Variants in METTL2B observed in about 807,000 individuals in gnomAD.
METTL2B encodes methyltransferase 2B, tRNA N3-cytidine.
In METTL2B, 28 loss-of-function variants were observed where a neutral mutation model predicts 51.0. That is an observed-to-expected ratio of 0.55 (90% CI 0.41 to 0.75). METTL2B has a LOEUF of 0.75. METTL2B is among the 30% of genes least tolerant of loss of function. The pLI, the probability that METTL2B is intolerant of heterozygous loss-of-function variation, is 0.00. For missense variants in METTL2B, 313 were observed against 460.7 expected (o/e 0.68, Z 2.93); for synonymous variants, 128 against 166.3 (o/e 0.77, Z 1.77).
intron 4 of METTL2B, among the ~76,000 whole-genome samples, chr7:128,487,380 T>C (rs1349939504): frequency 6.6e-6 from 1 of 152,234 alleles, no homozygotes; most frequent in East Asian, 1.9e-4. Flanking sequence ...CTCCCATTTT[T>C]ATTTAGACCT....
intron 5 of METTL2B, chr7:128,488,701 G>A (rs1360429029): frequency 1.6e-5 from 5 of 317,020 alleles, no homozygotes; most frequent in Non-Finnish European, 3.2e-5. Flanking sequence ...TGTCCTCTGT[G>A]TGCTCAAGTG....
intron 6 of METTL2B, 44 bp downstream of exon 6, chr7:128,493,987 T>G: frequency 6.3e-7 from 1 of 1,591,204 alleles, no homozygotes; most frequent in Admixed American, 1.9e-5. Context: ...AAAAGAAAGC[T>G]TTGGTGAGGG....
At chr7:128,488,394 C>G (rs1792759155) in intron 5 of METTL2B, 4 of 690,594 alleles carry the variant, frequency 5.8e-6, no homozygotes, top group Non-Finnish European at 1.1e-5. Context: ...CTGCATCAAG[C>G]AAGCCTACCA....
chr7:128,494,746 A>G (rs1482170223), intron 6 of METTL2B, among the ~76,000 whole-genome samples: 12 of 150,914 alleles, frequency 8.0e-5, no homozygotes, highest in Non-Finnish European at 8.9e-5. Context: ...TCCTGCCTCA[A>G]CCTCCCGAGT....
In METTL2B at chr7:128,505,281, A is replaced by G. The variant is rs1402340910; in HGVS notation, c.*3365A>G. The G allele has an allele frequency of 6.6e-6, 1 of 152,130 alleles. No homozygotes were observed. The highest frequency in any genetic ancestry group is 1.5e-5 in the Non-Finnish European group (1 of 68,046). 9.4% of individuals were successfully genotyped at this position (152,130 alleles called of 1,614,324 possible). On this transcript the variant is annotated 3_prime_UTR_variant, in exon 9 of 9. Transcript: ENST00000262432. ...ACTCCGTCTCAAAATAAAAAAACAA[A>G]AAAAATGTAAAAAATAAATAATTGT... is the stretch of plus-strand genomic sequence containing the variant.
At chr7:128,489,855 C>G (rs1447563628) in intron 5 of METTL2B, among the ~76,000 whole-genome samples, 1 of 151,758 alleles carries the variant, frequency 6.6e-6, no homozygotes, top group Non-Finnish European at 1.5e-5. Context: ...GTCTCGATCT[C>G]CTGACCTCGT....
intron 6 of METTL2B, among the ~76,000 whole-genome samples, chr7:128,494,657 T>G (rs1792891366): frequency 6.6e-6 from 1 of 152,152 alleles, no homozygotes; most frequent in Non-Finnish European, 1.5e-5. Context: ...AGACAGAGTC[T>G]CGCCCTGTTG....
intron 6 of METTL2B, among the ~76,000 whole-genome samples, chr7:128,495,231 T>G (rs1317962739): frequency 6.6e-6 from 1 of 152,168 alleles, no homozygotes; most frequent in African/African-American, 2.4e-5. Context: ...TATTGGCCTT[T>G]TAAATGCTTT....
chr7:128,487,886 AT>A (rs1792745541), intron 4 of METTL2B, among the ~76,000 whole-genome samples: 2 of 152,074 alleles, frequency 1.3e-5, no homozygotes, highest in African/African-American at 2.4e-5. Context: ...TGGTTGTTTT[AT>A]AAACTTCATA....
chr7:128,496,874 G>A (rs183150374), intron 6 of METTL2B, among the ~76,000 whole-genome samples: 171 of 152,058 alleles, frequency 1.1e-3, no homozygotes, highest in African/African-American at 3.8e-3. Flanking sequence ...TCTGCCTCCC[G>A]GGTTCAAGCG....
chr7:128,493,235 G>A (rs1792867150), intron 5 of METTL2B, among the ~76,000 whole-genome samples: 2 of 149,960 alleles, frequency 1.3e-5, no homozygotes, highest in South Asian at 2.1e-4. Context: ...TTTTTTAGAC[G>A]GAGTTTCACT....
At chr7:128,491,524 G>A (rs1054569246) in intron 5 of METTL2B, among the ~76,000 whole-genome samples, 1 of 151,476 alleles carries the variant, frequency 6.6e-6, no homozygotes, top group Non-Finnish European at 1.5e-5. Flanking sequence ...AACCTGGGAG[G>A]CAGAGGTTGT....
chr7:128,480,255 C>T (rs990717540), intron 3 of METTL2B, among the ~76,000 whole-genome samples: 1 of 152,204 alleles, frequency 6.6e-6, no homozygotes, highest in African/African-American at 2.4e-5. Context: ...CCACGCAGCA[C>T]TGTGTTTAGG....
intron 5 of METTL2B, 182 bp downstream of exon 5, chr7:128,488,343 A>T (rs757845918): frequency 1.1e-6 from 1 of 903,594 alleles, no homozygotes; most frequent in Non-Finnish European, 1.8e-6. Flanking sequence ...CACACTGTAC[A>T]GATGTCATAT....
rs574117158 is a variant in METTL2B at position 128,484,217 on chromosome 7, C to CTTT, written c.608+3547_608+3549dup. ...CTTGAGTTACCCTATTGCCTAGATC[C>CTTT]TTTTTTTTTTTTTTTTTTTTTTTTT... On this transcript the variant is annotated intron_variant, in intron 4 of 8. Transcript: ENST00000262432. The CTTT allele has an allele frequency of 5.4e-4, 23 of 42,412 alleles. 2 individuals are homozygous for CTTT. In the East Asian group the frequency reaches 0.01, roughly 19 times the overall value. The allele number at this position is 42,412 out of a possible 1,614,324, so 2.6% of individuals were successfully genotyped here.
intron 4 of METTL2B, among the ~76,000 whole-genome samples, chr7:128,487,360 C>T (rs1584792284): frequency 6.6e-6 from 1 of 152,190 alleles, no homozygotes; most frequent in South Asian, 2.1e-4. Flanking sequence ...AAGCATACAG[C>T]CTTCCTCCTC....
chr7:128,499,211 T>A (rs974018246), intron 7 of METTL2B, among the ~76,000 whole-genome samples: 2 of 152,196 alleles, frequency 1.3e-5, no homozygotes, highest in Non-Finnish European at 2.9e-5. Context: ...GAAGAGTGTT[T>A]AGTCAGTTCA....
At chr7:128,486,522 C>A (rs1792722188) in intron 4 of METTL2B, among the ~76,000 whole-genome samples, 1 of 151,488 alleles carries the variant, frequency 6.6e-6, no homozygotes, top group Non-Finnish European at 1.5e-5. Flanking sequence ...ATCACTTCAA[C>A]CTGGGAGGCA....
chr7:128,500,200 T>G (rs1204039301), intron 7 of METTL2B, among the ~76,000 whole-genome samples: 3 of 152,168 alleles, frequency 2.0e-5, no homozygotes, highest in Admixed American at 6.6e-5. Flanking sequence ...ATGTTCATGA[T>G]CAAAACAGTA....
Sources: gnomAD v4.1 joint callset for allele counts (sites outside exome capture counted in the v4.1 genomes callset) on GRCh38, gnomAD v4.1.1 for gene constraint, MANE v1.5 for transcripts, NCBI Gene and HGNC (gene_info 2026-07-23, HGNC 2026-07-21) for gene names.